EPB42: variants seen among roughly 807,000 people sequenced by gnomAD.
EPB42 encodes erythrocyte membrane protein band 4.2, also known as protein 4.2.
Under a neutral mutation model 76.9 loss-of-function variants are expected in EPB42, and 49 were observed. The observed-to-expected ratio is 0.64, with a 90% confidence interval of 0.51 to 0.81. The LOEUF is 0.81. Ranked by LOEUF, EPB42 falls within the 30% of genes least tolerant of loss-of-function variation. The pLI, the probability that EPB42 is intolerant of heterozygous loss-of-function variation, is 0.00. For missense variants in EPB42, 731 were observed against 867.6 expected (o/e 0.84, Z 1.98); for synonymous variants, 310 against 338.4 (o/e 0.92, Z 0.92).
chr15:43,202,914 C>T lies in EPB42; in HGVS notation c.1779+201G>A, dbSNP rs376753378. 8.8e-4 allele frequency among the ~76,000 whole-genome samples: 134 copies of T among 152,306 alleles called. 4 individuals are homozygous for T. The South Asian group carries it at 0.028, about 32-fold the overall frequency. Reference sequence around the variant, plus strand: ...AAGGCCCCAATTTTAGAAACCTTTACTTAACTAAAGAAGTTGGAAGATTTA... The same window carrying T: ...AAGGCCCCAATTTTAGAAACCTTTATTTAACTAAAGAAGTTGGAAGATTTA... On this transcript the variant is annotated intron_variant, in intron 11 of 12. Coordinates refer to ENST00000441366, the MANE Select transcript of EPB42 (RefSeq NM_001114134.2).
At chr15:43,208,846 T>C in intron 6 of EPB42, 71 bp from the exon 7 acceptor site, 1 of 1,541,494 alleles carries the variant, frequency 6.5e-7, no homozygotes, top group South Asian at 1.2e-5. Flanking sequence ...GAGGCTAGGA[T>C]TTTCAGTGTC....
chr15:43,224,947 T>A (rs2042494331), upstream of EPB42, among the ~76,000 whole-genome samples: 1 of 152,218 alleles, frequency 6.6e-6, no homozygotes, highest in Admixed American at 6.5e-5. Context: ...GGCTAATTTT[T>A]ATTTTTTGTA....
intron 11 of EPB42, among the ~76,000 whole-genome samples, chr15:43,202,874 G>A (rs552538294): frequency 6.6e-6 from 1 of 152,314 alleles, no homozygotes; most frequent in Admixed American, 6.5e-5. Flanking sequence ...CTGTAGGTAG[G>A]AGGCAGTAAC....
chr15:43,220,717 C>A, intron 1 of EPB42, 99 bp downstream of exon 1: 4 of 1,610,554 alleles, frequency 2.5e-6, no homozygotes, highest in Non-Finnish European at 3.4e-6. Context: ...CCACCATCTC[C>A]CCGCCTACCA....
At chr15:43,217,655 A>T (rs1056430205) in intron 1 of EPB42, among the ~76,000 whole-genome samples, 8 of 152,216 alleles carry the variant, frequency 5.3e-5, no homozygotes, top group African/African-American at 1.9e-4. Flanking sequence ...GGCAGCCTGC[A>T]GTTTTTGCAC....
At chr15:43,198,317 A>G (rs1210864488) in intron 12 of EPB42, among the ~76,000 whole-genome samples, 1 of 152,170 alleles carries the variant, frequency 6.6e-6, no homozygotes, top group Non-Finnish European at 1.5e-5. Flanking sequence ...CAATATGGAC[A>G]ATAAAATCCA....
intron 1 of EPB42, among the ~76,000 whole-genome samples, chr15:43,220,530 C>G (rs557547100): frequency 6.4e-4 from 97 of 152,112 alleles, no homozygotes; most frequent in African/African-American, 2.2e-3. Flanking sequence ...AACATGCTAC[C>G]CCATAACCAC....
rs1478634338 is a variant in EPB42, at chr15:43,206,891, G to GCTTGCTCTCT, written c.1319-263_1319-262insAGAGAGCAAG. 3.9e-5 allele frequency among the ~76,000 whole-genome samples: 6 copies of GCTTGCTCTCT among 152,156 alleles called. No individual in the cohort carries two copies. The highest frequency in any genetic ancestry group is 7.3e-5 in the Non-Finnish European group (5 of 68,036). On this transcript the variant is annotated intron_variant, in intron 9 of 12. Transcript: ENST00000441366. This position sits in a 1 kb window ranked among gnomAD's most constrained non-coding sequence, Gnocchi z 4.7. ...AATTCTCCCCTTGAATGATGAGAGA[G>GCTTGCTCTCT]CAAGGTTGGGGACAAGTCAACACTG...
chr15:43,215,067 GC>G, intron 3 of EPB42, 27 bp downstream of exon 3: 1 of 1,595,934 alleles, frequency 6.3e-7, no homozygotes, highest in Non-Finnish European at 8.6e-7. Context: ...TCTCCATGCA[GC>G]CCAGGCTGGC....
At chr15:43,209,597 A>G (rs1417798303) in intron 5 of EPB42, 146 bp from the exon 6 acceptor site, 13 of 898,036 alleles carry the variant, frequency 1.4e-5, no homozygotes, top group Non-Finnish European at 2.1e-5. Flanking sequence ...TTAAACCTGC[A>G]TGCTTCTGGG....
At position 43,220,858 on chromosome 15, in the gene EPB42, G is replaced by T; in HGVS notation, c.-33C>A. 6.3e-7 allele frequency: 1 copy of T among 1,591,082 alleles called. No individual in the cohort carries two copies. The highest frequency in any genetic ancestry group is 8.6e-7 in the Non-Finnish European group (1 of 1,165,408). ...GGCCGCTCCTCTTATCCACTTGGCC[G>T]CAGAAAGCGCCTCTCTCAAACTGTT... On this transcript the variant is annotated 5_prime_UTR_variant, in exon 1 of 13. Transcript: ENST00000441366.
chr15:43,204,003 C>A (rs1214152718), intron 10 of EPB42, among the ~76,000 whole-genome samples: 1 of 152,210 alleles, frequency 6.6e-6, no homozygotes, highest in African/African-American at 2.4e-5. Context: ...TAACCCATCT[C>A]TCCTGAGGCT....
At position 43,197,312 on chromosome 15, in the gene EPB42, A is replaced by G; in HGVS notation, c.2066T>C (p.Leu689Pro). 1 of 1,614,198 alleles carries G rather than the reference A, an allele frequency of 6.2e-7. No individual in the cohort carries two copies. The highest frequency in any genetic ancestry group is 2.2e-5 in the East Asian group (1 of 44,884). The change falls in exon 13 of 13, where the codon CTA becomes CCA. Residue 689 changes from leucine (L) to proline (P), a missense_variant. Transcript: ENST00000441366. ...YKSVTVVAPE[L>P]SA ...GATAGAGCTGGAAGTTTAAGCTGATAGTTCAGGGGCTACCACGGTGACGCT... is the reference window on the plus strand; with the variant it reads ...GATAGAGCTGGAAGTTTAAGCTGATGGTTCAGGGGCTACCACGGTGACGCT...
At chr15:43,212,766 G>A (rs766912190) in intron 3 of EPB42, among the ~76,000 whole-genome samples, 4 of 152,172 alleles carry the variant, frequency 2.6e-5, no homozygotes, top group African/African-American at 7.2e-5. Flanking sequence ...GAGGGTGGGC[G>A]ACTTTGGGGC....
chr15:43,219,508 C>G (rs1305550243), intron 1 of EPB42, among the ~76,000 whole-genome samples: 5 of 152,288 alleles, frequency 3.3e-5, no homozygotes, highest in East Asian at 3.9e-4. Flanking sequence ...CATCTGGTGG[C>G]TACTGGGCCC....
At chr15:43,213,994 C>T (rs191363790) in intron 3 of EPB42, among the ~76,000 whole-genome samples, 2 of 152,356 alleles carry the variant, frequency 1.3e-5, no homozygotes, top group African/African-American at 2.4e-5. Flanking sequence ...CTTCCACCTC[C>T]CCATGTTTCC....
At chr15:43,220,105 G>A (rs1434974608) in intron 1 of EPB42, among the ~76,000 whole-genome samples, 2 of 152,192 alleles carry the variant, frequency 1.3e-5, no homozygotes, top group African/African-American at 4.8e-5. Flanking sequence ...CAGGGCAGGG[G>A]AGTGAGGCAG....
At chr15:43,204,993 T>C (rs1167710891) in intron 10 of EPB42, among the ~76,000 whole-genome samples, 1 of 110,074 alleles carries the variant, frequency 9.1e-6, no homozygotes, top group Non-Finnish European at 1.7e-5. Flanking sequence ...GTTCCCAAGA[T>C]GACTCAATGT....
upstream of EPB42, among the ~76,000 whole-genome samples, chr15:43,225,491 A>G (rs1441514642): frequency 6.6e-6 from 1 of 152,124 alleles, no homozygotes; most frequent in Admixed American, 6.5e-5. Context: ...AGTTCCCATG[A>G]GAGCTTCACA....
Sources: gnomAD v4.1 joint callset for allele counts (sites outside exome capture counted in the v4.1 genomes callset) on GRCh38, gnomAD v4.1.1 for gene constraint, Gnocchi (gnomAD v3.1) non-coding constraint, MANE v1.5 for transcripts, NCBI Gene and HGNC (gene_info 2026-07-23, HGNC 2026-07-21) for gene names.